Variants in COL24A1 observed in about 807,000 individuals in gnomAD.
COL24A1 encodes the protein collagen type XXIV alpha 1 chain.
A neutral mutation model predicts 253.9 loss-of-function variants in COL24A1; 224 were observed. The ratio of observed to expected loss-of-function variants is 0.88; its 90% CI spans 0.79 to 0.99. COL24A1 has a LOEUF of 0.99. Ranked by LOEUF, COL24A1 falls within the 50% of genes least tolerant of loss-of-function variation. The pLI is 0.00. For missense variants in COL24A1, 2,131 were observed against 2,068.5 expected (o/e 1.03, Z -0.59); for synonymous variants, 685 against 673.7 (o/e 1.02, Z -0.26).
chr1:85,966,681 T>C (rs12751341), intron 22 of COL24A1, among the ~76,000 whole-genome samples: 35,189 of 151,864 alleles, frequency 0.23, 4,510 homozygotes, highest in African/African-American at 0.29. Flanking sequence ...TTCTGAAAAA[T>C]AGAAATATTG....
intron 43 of COL24A1, among the ~76,000 whole-genome samples, chr1:85,836,141 TA>T (rs2102193350): frequency 6.6e-6 from 1 of 152,354 alleles, no homozygotes; most frequent in South Asian, 2.1e-4. Flanking sequence ...AAACCTAGCA[TA>T]AAAGTATTCA....
In COL24A1 at chr1:85,889,602, T is replaced by C. The variant is rs559859562; in HGVS notation, c.2934A>G (p.Gly978=). Residue 978 remains glycine, a synonymous_variant, in exon 32 of 60, where the codon GGA becomes GGG. Transcript: ENST00000370571. ...CTCTGTCACCTGTACTTCCAGGCAA[T>C]CCCTGTAAACCCTGGACAAATAAAG... The part of the protein sequence containing the change: ...RGFQGKPGLQ[G]LPGSTGDRGL... 1.2e-6 allele frequency: 2 copies of C among 1,613,296 alleles called. No homozygotes were observed. The highest frequency in any genetic ancestry group is 1.7e-6 in the Non-Finnish European group (2 of 1,179,430).
At chr1:85,866,065 A>C (rs313765) in intron 37 of COL24A1, among the ~76,000 whole-genome samples, 62,569 of 151,908 alleles carry the variant, frequency 0.41, 13,367 homozygotes, top group South Asian at 0.59. Flanking sequence ...GAGTTTGAGA[A>C]CAGCCTGGCC....
intron 3 of COL24A1, among the ~76,000 whole-genome samples, chr1:86,121,152 G>A (rs1647281944): frequency 6.6e-6 from 1 of 152,126 alleles, no homozygotes; most frequent in African/African-American, 2.4e-5. Flanking sequence ...GGGGTGAAGG[G>A]CAGGGGGAGG....
At chr1:85,778,539 C>T (rs1054400032) in intron 52 of COL24A1, among the ~76,000 whole-genome samples, 2 of 151,454 alleles carry the variant, frequency 1.3e-5, no homozygotes, top group African/African-American at 4.9e-5. Context: ...TTCAAATATA[C>T]TTTCTGTTCT....
At chr1:86,008,313 C>T (rs940542121) in intron 19 of COL24A1, among the ~76,000 whole-genome samples, 18 of 151,894 alleles carry the variant, frequency 1.2e-4, no homozygotes, top group African/African-American at 3.4e-4. Context: ...GGTGTAACCT[C>T]GGCTCACCAA....
chr1:85,893,762 C>G (rs1683374063), intron 31 of COL24A1, among the ~76,000 whole-genome samples: 3 of 152,022 alleles, frequency 2.0e-5, no homozygotes, highest in Non-Finnish European at 4.4e-5. Context: ...TGGAGAGGGT[C>G]TTAGAGCTCT....
chr1:85,849,890 G>A (rs770701105), intron 37 of COL24A1, among the ~76,000 whole-genome samples: 1 of 152,070 alleles, frequency 6.6e-6, no homozygotes, highest in Non-Finnish European at 1.5e-5. Flanking sequence ...ATGAAAGAAA[G>A]TACAGAGTAT....
chr1:85,934,056 T>C (rs1299209299), intron 24 of COL24A1, among the ~76,000 whole-genome samples: 2 of 152,176 alleles, frequency 1.3e-5, no homozygotes, highest in Non-Finnish European at 2.9e-5. Flanking sequence ...GCTGCAGTCA[T>C]CTGAAGGCCT....
At chr1:85,953,345 T>C (rs1690114721) in intron 24 of COL24A1, among the ~76,000 whole-genome samples, 1 of 152,184 alleles carries the variant, frequency 6.6e-6, no homozygotes, top group Non-Finnish European at 1.5e-5. Context: ...AATAGTAACA[T>C]GTTTTTAGCA....
At chr1:85,771,027 G>T (rs1377201072) in intron 53 of COL24A1, among the ~76,000 whole-genome samples, 1 of 152,154 alleles carries the variant, frequency 6.6e-6, no homozygotes, top group East Asian at 1.9e-4. Flanking sequence ...ACAGTGATCC[G>T]GGAAGAAGTG....
chr1:86,128,255 T>C (rs1184172106), intron 2 of COL24A1, among the ~76,000 whole-genome samples: 1 of 152,030 alleles, frequency 6.6e-6, no homozygotes, highest in African/African-American at 2.4e-5. Context: ...CTAATTGTAC[T>C]CATCCCCAAT....
chr1:85,755,845 C>T (rs1666182306), intron 55 of COL24A1, among the ~76,000 whole-genome samples: 1 of 149,350 alleles, frequency 6.7e-6, no homozygotes. Flanking sequence ...GCAATGATTT[C>T]TTGGAATGAT....
chr1:85,942,559 G>A (rs1490016409), intron 24 of COL24A1, among the ~76,000 whole-genome samples: 1 of 152,174 alleles, frequency 6.6e-6, no homozygotes, highest in African/African-American at 2.4e-5. Context: ...ATTAGTTAGT[G>A]CCAATCATAA....
intron 7 of COL24A1, among the ~76,000 whole-genome samples, chr1:86,083,166 C>T (rs1333832416): frequency 6.6e-6 from 1 of 151,792 alleles, no homozygotes; most frequent in Admixed American, 6.6e-5. Flanking sequence ...GGGGTGGTGG[C>T]GGGCGCCTGT....
At chr1:86,033,257 T>C (rs918536742) in intron 13 of COL24A1, among the ~76,000 whole-genome samples, 1 of 152,196 alleles carries the variant, frequency 6.6e-6, no homozygotes, top group Non-Finnish European at 1.5e-5. Context: ...TGTGTTTTTT[T>C]CTAACTCACT....
At chr1:86,018,953 T>C (rs1697243243) in intron 18 of COL24A1, among the ~76,000 whole-genome samples, 1 of 152,178 alleles carries the variant, frequency 6.6e-6, no homozygotes, top group African/African-American at 2.4e-5. Context: ...CCTTCTTATA[T>C]CTTGAAAATA....
intron 12 of COL24A1, among the ~76,000 whole-genome samples, chr1:86,040,071 C>T (rs146933369): frequency 6.6e-6 from 1 of 152,270 alleles, no homozygotes; most frequent in African/African-American, 2.4e-5. Flanking sequence ...TTCCCAGATT[C>T]AAGTTCCGGC....
intron 24 of COL24A1, among the ~76,000 whole-genome samples, chr1:85,933,364 AT>A (rs981607723): frequency 4.6e-5 from 7 of 152,086 alleles, no homozygotes; most frequent in Middle Eastern, 3.4e-3. Context: ...TCACAGAATA[AT>A]TTTTTTTAAC....
Sources: allele counts gnomAD v4.1 joint callset (sites outside exome capture counted in the v4.1 genomes callset), GRCh38; gene constraint gnomAD v4.1.1; transcripts MANE v1.5; gene names NCBI Gene and HGNC (gene_info 2026-07-23, HGNC 2026-07-21).